Variants in COL24A1 observed in about 807,000 individuals in gnomAD.
COL24A1 encodes collagen type XXIV alpha 1 chain.
A neutral mutation model predicts 253.9 loss-of-function variants in COL24A1; 224 were observed. That is an observed-to-expected ratio of 0.88 (90% CI 0.79 to 0.99). The LOEUF (loss-of-function observed/expected upper bound fraction) is 0.99. Among genes scored for constraint, COL24A1 ranks in the 50% least tolerant of loss-of-function variants. The pLI, the probability that COL24A1 is intolerant of heterozygous loss-of-function variation, is 0.00. For synonymous variants in COL24A1, 685 were observed against 673.7 expected, an observed-to-expected ratio of 1.02 and a Z score of -0.26; for missense variants, 2,131 against 2,068.5, an observed-to-expected ratio of 1.03 and a Z score of -0.59.
intron 19 of COL24A1, among the ~76,000 whole-genome samples, chr1:85,997,041 A>ATGTGTGTGTGTGTG (rs1212886965): frequency 0.012 from 973 of 80,720 alleles, 106 homozygotes; most frequent in East Asian, 0.077. Flanking sequence ...ATATATATAT[A>ATGTGTGTGTGTGTG]TGTGTGTGTG....
Position 86,125,656 on chromosome 1 carries a change from G to A in COL24A1, c.680C>T (p.Ser227Phe), listed in dbSNP as rs376188236. The change falls in exon 3 of 60, where the codon TCT (serine) becomes TTT (phenylalanine). Residue 227 changes from serine (S) to phenylalanine (F), a missense_variant. By Grantham distance (155) the Ser-to-Phe change is radical. Transcript: ENST00000370571. ...GCAGTAGTCTGCAGATGCTTCTGCAGAAGGAATAATATCTAACTGACATAC... is the reference window on the plus strand; with the variant it reads ...GCAGTAGTCTGCAGATGCTTCTGCAAAAGGAATAATATCTAACTGACATAC... ...GIVCQLDIIP[S>F]AEASADYCRY... The A allele has an allele frequency of 2.5e-6, 4 of 1,612,220 alleles. No homozygotes were observed. In the African/African-American group the frequency reaches 4.0e-5, roughly 16 times the overall value.
intron 19 of COL24A1, among the ~76,000 whole-genome samples, chr1:86,000,929 AGGATACAT>A (rs1169953072): frequency 6.6e-6 from 1 of 152,230 alleles, no homozygotes; most frequent in Non-Finnish European, 1.5e-5. Context: ...CAGAACTGAG[AGGATACAT>A]GGGATTAGTG....
At chr1:85,990,070 A>C (rs927708099) in intron 19 of COL24A1, among the ~76,000 whole-genome samples, 1 of 152,202 alleles carries the variant, frequency 6.6e-6, no homozygotes, top group Non-Finnish European at 1.5e-5. Flanking sequence ...TAAGTGCTTA[A>C]AAAATGCTTT....
At chr1:86,082,723 A>C (rs919510398) in intron 7 of COL24A1, among the ~76,000 whole-genome samples, 3 of 147,026 alleles carry the variant, frequency 2.0e-5, no homozygotes, top group Non-Finnish European at 3.0e-5. Context: ...ATAATATATA[A>C]TAATTAATTT....
chr1:85,865,597 G>A (rs1022825916), intron 37 of COL24A1, among the ~76,000 whole-genome samples: 1 of 152,014 alleles, frequency 6.6e-6, no homozygotes, highest in African/African-American at 2.4e-5. Flanking sequence ...TTCCTCTTTG[G>A]GATTCCTTGC....
chr1:85,736,464 T>C lies in COL24A1; in HGVS notation c.4782+932A>G, dbSNP rs563829162. 21 of 456,296 alleles carry C rather than the reference T, an allele frequency of 4.6e-5. 1 individual carries two copies. The highest frequency in any genetic ancestry group is 3.3e-4 in the South Asian group (21 of 64,566). 28.3% of individuals were successfully genotyped at this position (456,296 alleles called of 1,614,324 possible). On this transcript the variant is annotated intron_variant, in intron 58 of 59. Transcript: ENST00000370571. ...GATGATGATGTGGATATTTTGGAAG[T>C]AGGACTATCATGCTGCTCTTTATTA...
At chr1:85,755,479 T>C (rs2101038126) in intron 55 of COL24A1, among the ~76,000 whole-genome samples, 1 of 152,260 alleles carries the variant, frequency 6.6e-6, no homozygotes, top group East Asian at 1.9e-4. Flanking sequence ...ATTTCAAAAC[T>C]TACTATAAAG....
chr1:85,857,719 C>T (rs1678612458), intron 37 of COL24A1, among the ~76,000 whole-genome samples: 1 of 152,092 alleles, frequency 6.6e-6, no homozygotes, highest in South Asian at 2.1e-4. Context: ...ATAGTCTGAG[C>T]ACCTGAAGAA....
At chr1:86,124,545 TCC>T (rs1402802826) in intron 3 of COL24A1, among the ~76,000 whole-genome samples, 1 of 151,994 alleles carries the variant, frequency 6.6e-6, no homozygotes, top group African/African-American at 2.4e-5. Context: ...GCAGTTGAAA[TCC>T]TGATTGAATT....
At chr1:86,052,656 G>A (rs1421427728) in intron 10 of COL24A1, among the ~76,000 whole-genome samples, 1 of 151,890 alleles carries the variant, frequency 6.6e-6, no homozygotes, top group African/African-American at 2.4e-5. Context: ...GATGGATGGT[G>A]GCAATGGTTG....
intron 19 of COL24A1, among the ~76,000 whole-genome samples, chr1:86,016,090 G>T (rs556335605): frequency 1.3e-5 from 2 of 151,164 alleles, no homozygotes; most frequent in Non-Finnish European, 3.0e-5. Flanking sequence ...GCTAGGGCTG[G>T]TCTAGAACTC....
At chr1:85,771,599 T>A (rs550060256) in intron 53 of COL24A1, among the ~76,000 whole-genome samples, 158 of 152,282 alleles carry the variant, frequency 1.0e-3, no homozygotes, top group Non-Finnish European at 1.8e-3. Context: ...TGATTTATAA[T>A]CCTTTGGGTA....
intron 14 of COL24A1, among the ~76,000 whole-genome samples, chr1:86,024,317 AAC>A (rs1375175319): frequency 6.6e-6 from 1 of 152,156 alleles, no homozygotes; most frequent in Admixed American, 6.6e-5. Flanking sequence ...TGACAGCGGA[AAC>A]ACGTTTCATT....
chr1:86,088,416 A>C (rs1703236184), intron 7 of COL24A1, among the ~76,000 whole-genome samples: 2 of 152,176 alleles, frequency 1.3e-5, no homozygotes, highest in Non-Finnish European at 2.9e-5. Context: ...CTTAAGAAGA[A>C]ATTTTTTATT....
At chr1:85,875,220 T>G in intron 34 of COL24A1, 57 bp downstream of exon 34, 1 of 1,435,060 alleles carries the variant, frequency 7.0e-7, no homozygotes, top group Non-Finnish European at 9.8e-7. Flanking sequence ...TGGTAGCAAA[T>G]GTAGGGGGTT....
Position 86,022,909 on chromosome 1 carries a change from T to C in COL24A1, c.2104-32A>G, listed in dbSNP as rs570663338. On this transcript the variant is annotated intron_variant, in intron 15 of 59. Coordinates refer to ENST00000370571, the MANE Select transcript of COL24A1 (RefSeq NM_152890.7). ...AAAAAGGTGACATTTTGTGATATCA[T>C]AGACAGATTAAAGGGAAATATCCAT... The C allele has an allele frequency of 1.3e-5, 21 of 1,612,320 alleles. No homozygotes were observed. The South Asian group carries it at 1.4e-4, about 11-fold the overall frequency.
rs745369887 is a variant in COL24A1 at position 85,838,657 on chromosome 1, A to G, written c.3628-19T>C. The G allele has an allele frequency of 1.9e-6, 3 of 1,612,722 alleles. No individual in the cohort carries two copies. The highest frequency in any genetic ancestry group is 2.5e-6 in the Non-Finnish European group (3 of 1,178,924). ...CTGGACCCTACAGAGACCACACACA[A>G]AACAATCAGTTTTACAGCTGGATCA... On this transcript the variant is annotated intron_variant, in intron 42 of 59. Coordinates refer to ENST00000370571, the MANE Select transcript of COL24A1 (RefSeq NM_152890.7).
At chr1:85,868,028 G>A (rs1464796538) in intron 37 of COL24A1, among the ~76,000 whole-genome samples, 1 of 151,840 alleles carries the variant, frequency 6.6e-6, no homozygotes, top group African/African-American at 2.4e-5. Context: ...TACAGGCCTG[G>A]CCATTACTCT....
intron 19 of COL24A1, among the ~76,000 whole-genome samples, chr1:86,010,876 A>G (rs965412104): frequency 1.3e-5 from 2 of 152,214 alleles, no homozygotes; most frequent in African/African-American, 4.8e-5. Context: ...GTAATAAAAA[A>G]GTGTAAGAAA....
Sources: gnomAD v4.1 joint callset for allele counts (sites outside exome capture counted in the v4.1 genomes callset) on GRCh38, gnomAD v4.1.1 for gene constraint, MANE v1.5 for transcripts, NCBI Gene and HGNC (gene_info 2026-07-23, HGNC 2026-07-21) for gene names.